ARHGAP39: variants seen among roughly 807,000 people sequenced by gnomAD.
ARHGAP39 encodes rho GTPase-activating protein 39.
ARHGAP39 carries 44 observed loss-of-function variants against 106.9 expected under a neutral mutation model. The ratio of observed to expected loss-of-function variants is 0.41; its 90% CI spans 0.32 to 0.53. The LOEUF is 0.53. ARHGAP39 is among the 20% of genes least tolerant of loss of function. ARHGAP39 has a pLI of 0.21. For synonymous variants in ARHGAP39, 768 were observed against 693.2 expected (o/e 1.11, Z -1.69); for missense variants, 1,496 against 1,577.3 (o/e 0.95, Z 0.87).
intron 3 of ARHGAP39, among the ~76,000 whole-genome samples, chr8:144,571,646 C>G (rs1301279701): frequency 5.9e-5 from 9 of 152,120 alleles, no homozygotes; most frequent in Non-Finnish European, 1.3e-4. Context: ...CCATGGAAAT[C>G]AGACAAGACA....
chr8:144,587,482 C>T (rs1023480563), intron 2 of ARHGAP39, among the ~76,000 whole-genome samples: 6 of 152,116 alleles, frequency 3.9e-5, no homozygotes, highest in Admixed American at 1.3e-4. Context: ...CTGAAATTCA[C>T]GTGTTATACA....
At chr8:144,619,304 C>T (rs544066479) in intron 1 of ARHGAP39, among the ~76,000 whole-genome samples, 13 of 152,384 alleles carry the variant, frequency 8.5e-5, no homozygotes, top group Non-Finnish European at 1.6e-4. Context: ...AGAGGCCCCT[C>T]GCTCCGAGAA....
At chr8:144,533,650 G>A (rs1816824948) in intron 8 of ARHGAP39, among the ~76,000 whole-genome samples, 1 of 151,992 alleles carries the variant, frequency 6.6e-6, no homozygotes, top group African/African-American at 2.4e-5. Flanking sequence ...CAGCTCACAG[G>A]GGCCCTTGGG....
At chr8:144,680,364 G>A (rs1160982760) in intron 1 of ARHGAP39, among the ~76,000 whole-genome samples, 2 of 152,364 alleles carry the variant, frequency 1.3e-5, no homozygotes, top group South Asian at 2.1e-4. Context: ...TTCAGCCAGA[G>A]CGGCCATGGA....
At position 144,546,086 on chromosome 8, in the gene ARHGAP39, C is replaced by T. The variant is rs374310109; in HGVS notation, c.1960-276G>A. On this transcript the variant is annotated intron_variant, in intron 5 of 11. Coordinates refer to ENST00000377307, the MANE Select transcript of ARHGAP39 (RefSeq NM_025251.3). ...CCAGGTGACCTGGCTGAGGGTGAGGCGGGAGGAAGGGGAGCATCCGCTGGC... is the reference window on the plus strand; with the variant it reads ...CCAGGTGACCTGGCTGAGGGTGAGGTGGGAGGAAGGGGAGCATCCGCTGGC... 5.0e-4 allele frequency among the ~76,000 whole-genome samples: 76 copies of T among 152,294 alleles called. 2 individuals are homozygous for T. The highest frequency in any genetic ancestry group is 3.5e-3 in the Admixed American group (54 of 15,294).
rs1016766041 is a variant in ARHGAP39 at position 144,553,450 on chromosome 8, G to A, written c.596+2110C>T. Among the ~76,000 whole-genome samples, 8 of 152,206 alleles carry A rather than the reference G, an allele frequency of 5.3e-5. No individual in the cohort carries two copies. The East Asian group carries it at 1.3e-3, about 26-fold the overall frequency. ...CACGCGCGTTTCAGCAAAAAGGACT[G>A]AGAACGTCTCAGGACAGGGTCTGGC... is the stretch of plus-strand genomic sequence containing the variant. On this transcript the variant is annotated intron_variant, in intron 4 of 11. Coordinates refer to ENST00000377307, the MANE Select transcript of ARHGAP39 (RefSeq NM_025251.3).
chr8:144,680,793 C>T (rs1402578141), intron 1 of ARHGAP39, among the ~76,000 whole-genome samples: 2 of 152,294 alleles, frequency 1.3e-5, no homozygotes, highest in Admixed American at 6.5e-5. Flanking sequence ...ATAGCGGCCA[C>T]TAATCTCTTT....
At chr8:144,642,850 C>T (rs963800686) in intron 1 of ARHGAP39, among the ~76,000 whole-genome samples, 9 of 151,988 alleles carry the variant, frequency 5.9e-5, no homozygotes, top group African/African-American at 1.9e-4. Flanking sequence ...ATTAGCAGCA[C>T]GATAACAGAC....
chr8:144,619,287 G>T (rs1309568641), intron 1 of ARHGAP39, among the ~76,000 whole-genome samples: 5 of 152,268 alleles, frequency 3.3e-5, no homozygotes, highest in Non-Finnish European at 7.3e-5. Flanking sequence ...CCATAGACCA[G>T]GGTGCCAGAG....
intron 1 of ARHGAP39, among the ~76,000 whole-genome samples, chr8:144,631,183 C>T (rs1821053766): frequency 6.6e-6 from 1 of 152,230 alleles, no homozygotes; most frequent in Admixed American, 6.5e-5. Context: ...ATGAGGGATC[C>T]ACCCCCATGA....
At chr8:144,587,151 G>A (rs773101910) in intron 2 of ARHGAP39, among the ~76,000 whole-genome samples, 6 of 152,324 alleles carry the variant, frequency 3.9e-5, no homozygotes, top group South Asian at 4.1e-4. Context: ...GCAGCCATGC[G>A]GAACTGTAAG....
At chr8:144,532,473 G>A (rs531660285) in intron 9 of ARHGAP39, 77 bp from the exon 10 acceptor site, 17 of 1,339,312 alleles carry the variant, frequency 1.3e-5, no homozygotes, top group African/African-American at 7.2e-5. Flanking sequence ...CACTCCCTCC[G>A]GTAGGCCCCT....
chr8:144,533,814 T>C (rs2721179), intron 8 of ARHGAP39, among the ~76,000 whole-genome samples: 17,346 of 151,984 alleles, frequency 0.11, 3,230 homozygotes, highest in African/African-American at 0.39. Context: ...GAGAAGAGGA[T>C]GTGGGGAAGG....
rs57873594 is a variant in ARHGAP39 at position 144,673,847 on chromosome 8, C to T, written c.-82+11839G>A. Among the ~76,000 whole-genome samples, 766 of 152,358 alleles carry T rather than the reference C, an allele frequency of 5.0e-3. 15 individuals are homozygous for T. The highest frequency in any genetic ancestry group is 3.4e-3 in the African/African-American group (140 of 41,578). On this transcript the variant is annotated intron_variant, in intron 1 of 11. Coordinates refer to ENST00000377307, the MANE Select transcript of ARHGAP39 (RefSeq NM_025251.3). The stretch of plus-strand genomic sequence containing the variant: ...GCAAGCAAGCGCAGGGTCAGGCCAC[C>T]GTGCATAGCCAGGCATGCCAGCTGC...
chr8:144,617,155 A>C (rs1820656727), intron 1 of ARHGAP39, among the ~76,000 whole-genome samples: 1 of 152,018 alleles, frequency 6.6e-6, no homozygotes, highest in Non-Finnish European at 1.5e-5. Context: ...TGCAGTGAGC[A>C]GAGATTGTGC....
At chr8:144,598,225 G>A (rs1819698750) in intron 2 of ARHGAP39, among the ~76,000 whole-genome samples, 1 of 152,186 alleles carries the variant, frequency 6.6e-6, no homozygotes, top group East Asian at 1.9e-4. Context: ...CGCGTTGAGT[G>A]TAAAGGGGAA....
chr8:144,618,626 G>A (rs1820701049), intron 1 of ARHGAP39, among the ~76,000 whole-genome samples: 1 of 152,224 alleles, frequency 6.6e-6, no homozygotes, highest in Non-Finnish European at 1.5e-5. Context: ...CCAGGCCCAG[G>A]GCCAGCCTCA....
At chr8:144,594,593 C>T (rs757281932) in intron 2 of ARHGAP39, among the ~76,000 whole-genome samples, 19 of 151,520 alleles carry the variant, frequency 1.3e-4, no homozygotes, top group Non-Finnish European at 1.5e-4. Flanking sequence ...ACTCGGGAGG[C>T]TGAGGAAGGA....
intron 1 of ARHGAP39, among the ~76,000 whole-genome samples, chr8:144,611,080 A>G (rs965206072): frequency 1.3e-5 from 2 of 152,188 alleles, no homozygotes; most frequent in Non-Finnish European, 2.9e-5. Flanking sequence ...TTGCCTCCCA[A>G]AGTGCTGGGA....
Sources: allele counts gnomAD v4.1 joint callset (sites outside exome capture counted in the v4.1 genomes callset), GRCh38; gene constraint gnomAD v4.1.1; transcripts MANE v1.5; gene names NCBI Gene and HGNC (gene_info 2026-07-23, HGNC 2026-07-21).